TBC1D4: variants seen among roughly 807,000 people sequenced by gnomAD.
TBC1D4 encodes TBC (Tre-2, BUB2, CDC16) domain-containing protein.
In TBC1D4, 121 loss-of-function variants were observed where a neutral mutation model predicts 142.5. The observed-to-expected ratio is 0.85, with a 90% CI of 0.73 to 0.99. The LOEUF (loss-of-function observed/expected upper bound fraction) is 0.99, where lower values mean the gene tolerates loss of function less well. Among genes scored for constraint, TBC1D4 ranks in the 50% least tolerant of loss-of-function variants. The pLI is 0.00. For missense variants in TBC1D4, 1,475 were observed against 1,606.6 expected (o/e 0.92, Z 1.40); for synonymous variants, 630 against 628.2 (o/e 1.00, Z -0.04).
At chr13:75,332,617 G>T (rs1351385802) in intron 8 of TBC1D4, among the ~76,000 whole-genome samples, 2 of 152,138 alleles carry the variant, frequency 1.3e-5, no homozygotes, top group Non-Finnish European at 2.9e-5. Context: ...TTCTGATTAA[G>T]TAGGTCTGGG....
intron 12 of TBC1D4, among the ~76,000 whole-genome samples, chr13:75,314,989 T>A (rs925456272): frequency 6.8e-6 from 1 of 147,318 alleles, no homozygotes. Context: ...CAAAATAAAA[T>A]TATAATTAAA....
intron 1 of TBC1D4, among the ~76,000 whole-genome samples, chr13:75,430,860 C>T (rs1199431529): frequency 6.6e-6 from 1 of 152,150 alleles, no homozygotes; most frequent in African/African-American, 2.4e-5. Context: ...CTGAGTGTGT[C>T]TGCTCACATT....
At chr13:75,334,791 G>A (rs1352107752) in intron 8 of TBC1D4, among the ~76,000 whole-genome samples, 6 of 151,722 alleles carry the variant, frequency 4.0e-5, no homozygotes, top group African/African-American at 7.3e-5. Context: ...TTACCATGTC[G>A]GCCAGGCAGG....
chr13:75,295,122 AAGT>A lies in TBC1D4; in HGVS notation c.3157-112_3157-110del. ...TATTTAATAACAAATTCACATATATAAGTAGTATTACTTTATTTTTATGATTTT... is the reference window on the plus strand; with the variant it reads ...TATTTAATAACAAATTCACATATATAAGTATTACTTTATTTTTATGATTTT... On this transcript the variant is annotated intron_variant, in intron 17 of 20. Coordinates refer to ENST00000377636, the MANE Select transcript of TBC1D4 (RefSeq NM_014832.5). The A allele has an allele frequency of 5.0e-6, 5 of 1,003,644 alleles. No individual in the cohort carries two copies. In the South Asian group the frequency reaches 6.4e-5, roughly 13 times the overall value. The allele number at this position is 1,003,644 out of a possible 1,614,324, so 62.2% of individuals were successfully genotyped here. A position where few individuals can be genotyped will look rare whatever the true frequency, so the allele number is the denominator to read the frequency against.
At chr13:75,338,736 C>G (rs151239054) in intron 7 of TBC1D4, among the ~76,000 whole-genome samples, 2 of 152,176 alleles carry the variant, frequency 1.3e-5, no homozygotes, top group Non-Finnish European at 2.9e-5. Context: ...TCTATGGGCA[C>G]CAAATCCATT....
At chr13:75,475,413 G>T (rs1420907538) in intron 1 of TBC1D4, among the ~76,000 whole-genome samples, 4 of 152,184 alleles carry the variant, frequency 2.6e-5, no homozygotes, top group African/African-American at 9.7e-5. Flanking sequence ...TAAAGGAAAG[G>T]GGACTCTGAA....
intron 1 of TBC1D4, among the ~76,000 whole-genome samples, chr13:75,425,838 A>G (rs1886351573): frequency 6.6e-6 from 1 of 152,198 alleles, no homozygotes; most frequent in African/African-American, 2.4e-5. Context: ...TGTTAGTCAC[A>G]GAACACAAAA....
intron 12 of TBC1D4, among the ~76,000 whole-genome samples, chr13:75,317,478 T>A (rs1035352559): frequency 4.6e-5 from 7 of 152,338 alleles, no homozygotes; most frequent in Non-Finnish European, 1.0e-4. Flanking sequence ...TAACTGTAAA[T>A]AGAAGGACCA....
intron 15 of TBC1D4, among the ~76,000 whole-genome samples, chr13:75,303,865 T>C (rs1168335782): frequency 6.6e-6 from 1 of 152,214 alleles, no homozygotes; most frequent in Non-Finnish European, 1.5e-5. Context: ...GTTGCCTTTA[T>C]GGAATTCCAA....
chr13:75,362,004 G>A lies in TBC1D4; in HGVS notation c.1080+22C>T, dbSNP rs772959287. On this transcript the variant is annotated intron_variant, in intron 2 of 20. Coordinates refer to ENST00000377636, the MANE Select transcript of TBC1D4 (RefSeq NM_014832.5). This position sits in a 1 kb window ranked among gnomAD's most constrained non-coding sequence, Gnocchi z 4.2. ...TCTGGCACCTTTTGGGGCAAGGGCA[G>A]ACAGCGTCCGATCAGGTGTACCTGG... The A allele has an allele frequency of 1.9e-5, 31 of 1,613,818 alleles. No individual in the cohort carries two copies. The highest frequency in any genetic ancestry group is 1.8e-5 in the Non-Finnish European group (21 of 1,179,892).
At chr13:75,479,462 G>T (rs1888745998) in intron 1 of TBC1D4, among the ~76,000 whole-genome samples, 1 of 151,832 alleles carries the variant, frequency 6.6e-6, no homozygotes, top group South Asian at 2.1e-4. Flanking sequence ...TATAATGGAG[G>T]AAAATAAAGG....
chr13:75,416,275 T>C (rs1885911795), intron 1 of TBC1D4, among the ~76,000 whole-genome samples: 1 of 152,230 alleles, frequency 6.6e-6, no homozygotes. Flanking sequence ...CTCTGCAGTA[T>C]CTTTATAGCC....
In TBC1D4 at chr13:75,302,241, A is replaced by T; in HGVS notation, c.2911+2T>A. 1 of 1,614,136 alleles carries T rather than the reference A, an allele frequency of 6.2e-7. No homozygotes were observed. Among genetic ancestry groups the T allele is most frequent in the Non-Finnish European group, 8.5e-7 (1 of 1,180,012 alleles). On this transcript the variant is annotated splice_donor_variant, in intron 16 of 20. Transcript: ENST00000377636. LOFTEE classifies it high-confidence loss of function. ...AAATTATAATCCACATGACAAACAT[A>T]CCTAAATCCACGAGAATCGCATGCT...
chr13:75,340,418 C>T (rs1014228082), intron 7 of TBC1D4, among the ~76,000 whole-genome samples: 2 of 152,170 alleles, frequency 1.3e-5, no homozygotes, highest in Non-Finnish European at 1.5e-5. Context: ...GCTAGGGTAC[C>T]ATTTACATGA....
At chr13:75,366,076 G>C (rs959603396) in intron 1 of TBC1D4, among the ~76,000 whole-genome samples, 1 of 152,142 alleles carries the variant, frequency 6.6e-6, no homozygotes, top group African/African-American at 2.4e-5. Context: ...ACACACCCTA[G>C]CTACATATTG....
chr13:75,342,455 G>GT (rs545513421), intron 5 of TBC1D4, among the ~76,000 whole-genome samples: 124 of 152,272 alleles, frequency 8.1e-4, no homozygotes, highest in African/African-American at 2.6e-3. Context: ...TCTCTTCCCC[G>GT]ATGCAGCTCT....
chr13:75,380,126 G>A (rs188942411), intron 1 of TBC1D4, among the ~76,000 whole-genome samples: 34 of 150,930 alleles, frequency 2.3e-4, no homozygotes, highest in Non-Finnish European at 4.1e-4. Flanking sequence ...TGATCCACCC[G>A]CCTCGGCTTC....
rs1877569570 is a variant in TBC1D4, at chr13:75,309,934, T to C, written c.2593+8A>G. The C allele has an allele frequency of 7.4e-6, 12 of 1,614,006 alleles. No homozygotes were observed. Among genetic ancestry groups the C allele is most frequent in the Non-Finnish European group, 9.3e-6 (11 of 1,179,872 alleles). ...CATCATAGCATTTAGTCTGTTAAAA[T>C]GGCTAACCTTCAAGTTTCTGGTTTT... On this transcript the variant is annotated splice_region_variant and intron_variant, in intron 14 of 20. Transcript: ENST00000377636.
intron 1 of TBC1D4, among the ~76,000 whole-genome samples, chr13:75,366,329 A>G (rs1328297157): frequency 3.3e-5 from 5 of 152,236 alleles, no homozygotes; most frequent in Non-Finnish European, 7.3e-5. Flanking sequence ...AACTTCCTCA[A>G]GAGCAAAGTG....
Sources: gnomAD v4.1 joint callset for allele counts (sites outside exome capture counted in the v4.1 genomes callset) on GRCh38, gnomAD v4.1.1 for gene constraint, Gnocchi (gnomAD v3.1) non-coding constraint, MANE v1.5 for transcripts, NCBI Gene and HGNC (gene_info 2026-07-23, HGNC 2026-07-21) for gene names.